The following BRD3 variants were observed in gnomAD, a reference collection of about 807,000 sequenced individuals.
BRD3 encodes bromodomain containing 3.
In BRD3, 17 loss-of-function variants were observed where a neutral mutation model predicts 66.8. The observed-to-expected ratio is 0.25, with a 90% CI of 0.17 to 0.38. The LOEUF (loss-of-function observed/expected upper bound fraction) is 0.38. Ranked by LOEUF, BRD3 falls within the 10% of genes least tolerant of loss-of-function variation. The probability of loss-of-function intolerance (pLI) is 1.00; values close to 1 mark genes in which losing one functional copy is unlikely to be tolerated. For missense variants in BRD3, 713 were observed against 956.1 expected, an observed-to-expected ratio of 0.75 and a Z score of 3.35; for synonymous variants, 421 against 393.2, an observed-to-expected ratio of 1.07 and a Z score of -0.84.
At chr9:134,057,119 T>G (rs1830441777) in intron 1 of BRD3, 1 of 152,258 alleles carries the variant, frequency 6.6e-6, no homozygotes, top group Non-Finnish European at 1.5e-5. Flanking sequence ...CCCATGCACC[T>G]TCCACGTCTG....
rs1440716781 is a variant in BRD3, at chr9:134,060,618, ACACG to A, written c.-113-7032_-113-7029del. ...CACACACACACACACACACACACAC[ACACG>A]ATCTGGAATGCCATGGAGATTTCCA... is the stretch of plus-strand genomic sequence containing the variant. On this transcript the variant is annotated intron_variant, in intron 1 of 11. Coordinates refer to ENST00000303407, the MANE Select transcript of BRD3 (RefSeq NM_007371.4). 4.3e-3 allele frequency among the ~76,000 whole-genome samples: 639 copies of A among 149,974 alleles called. 10 individuals carry two copies. Among genetic ancestry groups the A allele is most frequent in the South Asian group, 7.2e-3 (34 of 4,738 alleles).
intron 1 of BRD3, among the ~76,000 whole-genome samples, chr9:134,060,430 G>A (rs1316442561): frequency 3.9e-5 from 6 of 152,056 alleles, no homozygotes; most frequent in African/African-American, 4.8e-5. Flanking sequence ...CTGATTCTAC[G>A]AAAATTTAAA....
chr9:134,049,678 T>G (rs1830249600), intron 5 of BRD3, among the ~76,000 whole-genome samples: 1 of 152,198 alleles, frequency 6.6e-6, no homozygotes, highest in African/African-American at 2.4e-5. Flanking sequence ...CATTTTACCT[T>G]GGGCGAGCCA....
At chr9:134,036,971 C>CA (rs1829935219) in intron 9 of BRD3, among the ~76,000 whole-genome samples, 1 of 151,346 alleles carries the variant, frequency 6.6e-6, no homozygotes, top group Non-Finnish European at 1.5e-5. Context: ...AGATCTTGTC[C>CA]CTGCACTCCA....
chr9:134,052,518 C>T lies in BRD3; in HGVS notation c.214-75G>A. ...TTTCACAATTCCCAAGTGGACACAG[C>T]CCGACCTTCCCAAGTGGACTGAGGA... On this transcript the variant is annotated intron_variant, in intron 2 of 11. Transcript: ENST00000303407. 5 of 1,498,016 alleles carry T rather than the reference C, an allele frequency of 3.3e-6. No homozygotes were observed. In the South Asian group the frequency reaches 6.2e-5, roughly 18 times the overall value. 92.8% of individuals were successfully genotyped at this position (1,498,016 alleles called of 1,614,324 possible). A position where few individuals can be genotyped will look rare whatever the true frequency, so the allele number is the denominator to read the frequency against.
In BRD3 at chr9:134,030,463, T is replaced by C. The variant is rs1159130295; in HGVS notation, c.*3127A>G. 1.5e-5 allele frequency: 3 copies of C among 201,534 alleles called. No individual in the cohort carries two copies. The highest frequency in any genetic ancestry group is 1.9e-4 in the South Asian group (1 of 5,242). 12.5% of individuals were successfully genotyped at this position (201,534 alleles called of 1,614,324 possible). A position where few individuals can be genotyped will look rare whatever the true frequency, so the allele number is the denominator to read the frequency against. On this transcript the variant is annotated 3_prime_UTR_variant, in exon 12 of 12. Transcript: ENST00000303407. ...CAATAAACAAGCTAAACTACTTACA[T>C]TGGACTCATTTTCAGTAACTGACAT...
chr9:134,050,426 G>C lies in BRD3; in HGVS notation c.662C>G (p.Pro221Arg). ...VPVPPAAAPP[P>R]PATPIVPVVP... ...CACGGGGACGATGGGTGTGGCAGGA[G>C]GAGGTGGGGCGGCAGCTGGGGGGAC... Residue 221 changes from proline (P) to arginine (R), a missense_variant, in exon 5 of 12, where the codon CCT (proline) becomes CGT (arginine). Physicochemically the swap from Pro to Arg is moderately radical, Grantham distance 103. Transcript: ENST00000303407. The C allele has an allele frequency of 6.2e-7, 1 of 1,612,118 alleles. No homozygotes were observed. Among genetic ancestry groups the C allele is most frequent in the Non-Finnish European group, 8.5e-7 (1 of 1,179,576 alleles).
intron 9 of BRD3, among the ~76,000 whole-genome samples, chr9:134,038,605 G>A (rs1209244051): frequency 1.3e-5 from 2 of 152,068 alleles, no homozygotes; most frequent in African/African-American, 2.4e-5. Flanking sequence ...TCATTTTTGA[G>A]GCCAGCATTA....
At chr9:134,066,798 G>A (rs552602630) in intron 1 of BRD3, among the ~76,000 whole-genome samples, 2 of 152,346 alleles carry the variant, frequency 1.3e-5, no homozygotes, top group South Asian at 2.1e-4. Flanking sequence ...AATGTAAGGG[G>A]GAGAAATCCC....
chr9:134,051,845 A>G lies in BRD3; in HGVS notation c.352-136T>C. The G allele has an allele frequency of 5.5e-6, 4 of 725,506 alleles. No homozygotes were observed. In the South Asian group the frequency reaches 5.8e-5, roughly 11 times the overall value. 44.9% of individuals were successfully genotyped at this position (725,506 alleles called of 1,614,324 possible). ...CAGCGCAGGAGAGAACAAAATGAATATATGTGTGTGTGTGTGTGTGTGTGT... is the reference window on the plus strand; with the variant it reads ...CAGCGCAGGAGAGAACAAAATGAATGTATGTGTGTGTGTGTGTGTGTGTGT... On this transcript the variant is annotated intron_variant, in intron 3 of 11. Transcript: ENST00000303407.
In BRD3 at chr9:134,041,886, G is replaced by A. The variant is rs773646532; in HGVS notation, c.1281C>T (p.Ala427=). 3 of 1,611,246 alleles carry A rather than the reference G, an allele frequency of 1.9e-6. No individual in the cohort carries two copies. The highest frequency in any genetic ancestry group is 2.2e-5 in the East Asian group (1 of 44,846). ...DEPVEAPALP[A]PAAPMVSKGA... is the part of the protein sequence containing the mutation. The stretch of plus-strand genomic sequence containing the variant: ...CCTTGCTCACCATGGGGGCCGCGGG[G>A]GCAGGCAGCGCCGGTGCCTCCACGG... Residue 427 remains alanine, a synonymous_variant, in exon 8 of 12, where the codon GCC becomes GCT. Coordinates refer to ENST00000303407, the MANE Select transcript of BRD3 (RefSeq NM_007371.4).
intron 8 of BRD3, among the ~76,000 whole-genome samples, chr9:134,040,846 T>A (rs1359856939): frequency 6.6e-6 from 1 of 152,198 alleles, no homozygotes; most frequent in African/African-American, 2.4e-5. Context: ...GCAACCAGCA[T>A]TAATCCAGGG....
rs373525654 is a variant in BRD3 at position 134,041,823 on chromosome 9, C to T, written c.1344G>A (p.Ser448=). ...ESSRSSEESS[S]DSGSSDSEEE... ...CCTCCGAGTCCGAGCTGCCTGAGTC[C>T]GAAGAGCTCTCCTCACTGCTACGGC... Residue 448 remains serine, a synonymous_variant, in exon 8 of 12, where the codon TCG becomes TCA. Coordinates refer to ENST00000303407, the MANE Select transcript of BRD3 (RefSeq NM_007371.4). 35 of 1,612,982 alleles carry T rather than the reference C, an allele frequency of 2.2e-5. No individual in the cohort carries two copies. The Admixed American group carries it at 3.2e-4, about 15-fold the overall frequency.
At position 134,033,747 on chromosome 9, in the gene BRD3, T is replaced by A. The variant is rs986901519; in HGVS notation, c.2066-42A>T. On this transcript the variant is annotated intron_variant, in intron 11 of 11. Coordinates refer to ENST00000303407, the MANE Select transcript of BRD3 (RefSeq NM_007371.4). This position sits in a 1 kb window ranked among gnomAD's most constrained non-coding sequence, Gnocchi z 5.1. ...AGGGAGATGCGCTCGCACACCCGCT[T>A]CTTGACCCGCTTGGCGGCATGTCGT... The A allele has an allele frequency of 1.7e-5, 12 of 688,590 alleles. No individual in the cohort carries two copies. Among genetic ancestry groups the A allele is most frequent in the African/African-American group, 1.8e-5 (1 of 57,142 alleles). The allele number at this position is 688,590 out of a possible 1,614,324, so 42.7% of individuals were successfully genotyped here.
intron 3 of BRD3, among the ~76,000 whole-genome samples, 171 bp from the exon 4 acceptor site, chr9:134,051,880 G>GTGTGTGTGTGTGTATGTTGT (rs1830310584): frequency 8.8e-6 from 1 of 113,660 alleles, no homozygotes; most frequent in African/African-American, 3.6e-5. Context: ...TGTGTGTGTT[G>GTGTGTGTGTGTGTATGTTGT]TTTTTTTTGT....
chr9:134,037,135 TTAAATA>T (rs1322959169), intron 9 of BRD3, among the ~76,000 whole-genome samples: 2 of 151,954 alleles, frequency 1.3e-5, no homozygotes, highest in African/African-American at 2.4e-5. Context: ...AAATGCCACT[TTAAATA>T]TAATGTTCTA....
chr9:134,032,671 T>G lies in BRD3; in HGVS notation c.*919A>C, dbSNP rs35375527. 886 of 227,208 alleles carry G rather than the reference T, an allele frequency of 3.9e-3. 3 individuals are homozygous for G. Among genetic ancestry groups the G allele is most frequent in the Middle Eastern group, 9.4e-3 (7 of 744 alleles). 14.1% of individuals were successfully genotyped at this position (227,208 alleles called of 1,614,324 possible). A position where few individuals can be genotyped will look rare whatever the true frequency, so the allele number is the denominator to read the frequency against. ...GCGGTTTTTTCTTATTTTCTTTTTT[T>G]TAAAAATGACCAATGATGTTAATAA... On this transcript the variant is annotated 3_prime_UTR_variant, in exon 12 of 12. Transcript: ENST00000303407.
rs200539890 is a variant in BRD3, at chr9:134,034,695, C to T, written c.2065+6G>A. On this transcript the variant is annotated splice_donor_region_variant and intron_variant, in intron 11 of 11. Coordinates refer to ENST00000303407, the MANE Select transcript of BRD3 (RefSeq NM_007371.4). The stretch of plus-strand genomic sequence containing the variant: ...AGAGGGGTGGCACAGCGGCCGCCAG[C>T]GGTACCTTTCCGGGCGGGCTTCTTG... The T allele has an allele frequency of 8.1e-6, 13 of 1,602,822 alleles. No individual in the cohort carries two copies. The highest frequency in any genetic ancestry group is 3.3e-5 in the Admixed American group (2 of 59,996).
intron 7 of BRD3, among the ~76,000 whole-genome samples, chr9:134,042,152 C>T (rs1830063023): frequency 6.6e-6 from 1 of 152,168 alleles, no homozygotes; most frequent in Admixed American, 6.5e-5. Flanking sequence ...CAGGCAATTC[C>T]TGCGGACAGG....
Sources: allele counts gnomAD v4.1 joint callset (sites outside exome capture counted in the v4.1 genomes callset), GRCh38; gene constraint gnomAD v4.1.1; non-coding constraint Gnocchi (gnomAD v3.1); transcripts MANE v1.5; gene names NCBI Gene and HGNC (gene_info 2026-07-23, HGNC 2026-07-21).